PLGRKT: variants seen among roughly 807,000 people sequenced by gnomAD.
The protein encoded by PLGRKT is plasminogen receptor (KT).
PLGRKT carries 22 observed loss-of-function variants against 18.5 expected under a neutral mutation model. That is an observed-to-expected ratio of 1.19 (90% CI 0.85 to 1.70). The LOEUF is 1.70. Ranked by LOEUF, PLGRKT falls within the 40% of genes most tolerant of loss-of-function variation. PLGRKT has a pLI of 0.00. For missense variants in PLGRKT, 235 were observed against 174.4 expected (o/e 1.35, Z -1.96); for synonymous variants, 72 against 52.8 (o/e 1.36, Z -1.58).
rs1427900820 is a variant in PLGRKT, at chr9:5,418,882, G to A, written c.81+13015C>T. ...CTGCTGGAGGCAAACTGAACAGCAG[G>A]TGTGCTTGCAATCCAGCAACTTGGC... On this transcript the variant is annotated intron_variant, in intron 3 of 5. Coordinates refer to ENST00000223864, the MANE Select transcript of PLGRKT (RefSeq NM_018465.4). This position sits in a 1 kb window ranked among gnomAD's most constrained non-coding sequence, Gnocchi z 4.2. The A allele has an allele frequency of 3.0e-6, 3 of 1,005,484 alleles. No individual in the cohort carries two copies. Among genetic ancestry groups the A allele is most frequent in the Non-Finnish European group, 4.7e-6 (3 of 641,272 alleles). 62.3% of individuals were successfully genotyped at this position (1,005,484 alleles called of 1,614,324 possible).
At chr9:5,407,629 T>C (rs1316168088) in intron 3 of PLGRKT, among the ~76,000 whole-genome samples, 2 of 151,848 alleles carry the variant, frequency 1.3e-5, no homozygotes, top group African/African-American at 2.4e-5. Context: ...GACAGCATTC[T>C]AATGTTGTTC....
chr9:5,406,567 T>C (rs183774134), intron 3 of PLGRKT, among the ~76,000 whole-genome samples: 19 of 119,026 alleles, frequency 1.6e-4, no homozygotes, highest in East Asian at 7.7e-4. Flanking sequence ...TGAGAACACA[T>C]GGAGACAGGG....
intron 3 of PLGRKT, among the ~76,000 whole-genome samples, chr9:5,374,109 C>T (rs1162777389): frequency 1.3e-5 from 2 of 152,214 alleles, no homozygotes; most frequent in Admixed American, 6.5e-5. Context: ...TACCTTAGAA[C>T]TGTTCTTGGC....
chr9:5,368,642 C>A (rs929250766), intron 3 of PLGRKT, among the ~76,000 whole-genome samples: 16 of 152,122 alleles, frequency 1.1e-4, no homozygotes, highest in Non-Finnish European at 2.1e-4. Context: ...CTATGCTCAC[C>A]ATTTGGGTGA....
intron 3 of PLGRKT, among the ~76,000 whole-genome samples, chr9:5,426,201 G>A (rs2131169136): frequency 6.6e-6 from 1 of 152,256 alleles, no homozygotes; most frequent in Admixed American, 6.5e-5. Context: ...ACATAGGGAG[G>A]AGAACCCCCA....
chr9:5,395,894 T>A (rs1563778166), intron 3 of PLGRKT, among the ~76,000 whole-genome samples: 1 of 147,394 alleles, frequency 6.8e-6, no homozygotes, highest in Non-Finnish European at 1.5e-5. Context: ...AACAGTTTTT[T>A]TTTTTTTTTT....
intron 3 of PLGRKT, among the ~76,000 whole-genome samples, chr9:5,430,189 G>A (rs1050963337): frequency 3.3e-5 from 5 of 152,196 alleles, no homozygotes; most frequent in African/African-American, 9.7e-5. Flanking sequence ...TGATGTAGTT[G>A]TCTCCAGTCT....
chr9:5,376,047 A>G (rs1817620708), intron 3 of PLGRKT, among the ~76,000 whole-genome samples: 1 of 152,254 alleles, frequency 6.6e-6, no homozygotes, highest in Non-Finnish European at 1.5e-5. Flanking sequence ...TGACACATAC[A>G]ACCACATGGA....
intron 3 of PLGRKT, among the ~76,000 whole-genome samples, chr9:5,394,045 T>C (rs1370453934): frequency 2.0e-5 from 3 of 151,906 alleles, no homozygotes; most frequent in Non-Finnish European, 4.4e-5. Flanking sequence ...GCATTCTATC[T>C]AGTGTTGCTA....
intron 3 of PLGRKT, among the ~76,000 whole-genome samples, chr9:5,376,455 C>A (rs972571897): frequency 1.2e-4 from 18 of 152,238 alleles, no homozygotes; most frequent in African/African-American, 4.1e-4. Context: ...TACTAACTAC[C>A]TCTGAGGTTG....
intron 2 of PLGRKT, among the ~76,000 whole-genome samples, chr9:5,436,058 A>C (rs1231382228): frequency 6.6e-6 from 1 of 152,150 alleles, no homozygotes; most frequent in Non-Finnish European, 1.5e-5. Context: ...AGGTGGTGAG[A>C]TTTCCCTCCC....
chr9:5,408,548 G>C (rs151282647), intron 3 of PLGRKT, among the ~76,000 whole-genome samples: 214 of 152,318 alleles, frequency 1.4e-3, no homozygotes, highest in Non-Finnish European at 2.6e-3. Flanking sequence ...CCTAAAACTG[G>C]AACTTATATT....
In PLGRKT at chr9:5,361,887, A is replaced by T; in HGVS notation, c.83T>A (p.Leu28Gln). 1 of 1,611,802 alleles carries T rather than the reference A, an allele frequency of 6.2e-7. No individual in the cohort carries two copies. Among genetic ancestry groups the T allele is most frequent in the South Asian group, 1.1e-5 (1 of 90,480 alleles). Reference protein sequence around the residue: ...EFMLMNARLQLERQLIMQSEM... With the variant: ...EFMLMNARLQQERQLIMQSEM... ...ACTCTGCATGATGAGCTGCCTTTCC[A>T]GCTAAGGACAAAACAAAAGACAAAG... Residue 28 changes from leucine (L) to glutamine (Q), a missense_variant and splice_region_variant, in exon 4 of 6, where the codon CTG becomes CAG. Transcript: ENST00000223864.
At chr9:5,424,436 T>G (rs1818641689) in intron 3 of PLGRKT, among the ~76,000 whole-genome samples, 2 of 107,280 alleles carry the variant, frequency 1.9e-5, no homozygotes, top group Admixed American at 2.1e-4. Flanking sequence ...TAACATATTA[T>G]AAAATATATT....
At chr9:5,366,488 G>A (rs1345395912) in intron 3 of PLGRKT, among the ~76,000 whole-genome samples, 1 of 152,114 alleles carries the variant, frequency 6.6e-6, no homozygotes, top group East Asian at 1.9e-4. Context: ...CACACTCTGA[G>A]GATTTTACAG....
At chr9:5,395,685 A>G (rs1489793407) in intron 3 of PLGRKT, among the ~76,000 whole-genome samples, 1 of 151,854 alleles carries the variant, frequency 6.6e-6, no homozygotes, top group Non-Finnish European at 1.5e-5. Context: ...TCTGAGCTAT[A>G]GGACAGCATA....
At chr9:5,394,108 A>T (rs961074817) in intron 3 of PLGRKT, among the ~76,000 whole-genome samples, 2 of 151,876 alleles carry the variant, frequency 1.3e-5, no homozygotes, top group Non-Finnish European at 2.9e-5. Flanking sequence ...AGGAACTGTA[A>T]ACATGTTCAC....
chr9:5,409,056 C>T (rs569192826), intron 3 of PLGRKT, among the ~76,000 whole-genome samples: 1 of 152,182 alleles, frequency 6.6e-6, no homozygotes, highest in African/African-American at 2.4e-5. Flanking sequence ...CAGGCAGAAG[C>T]CTGCTGCAGG....
In PLGRKT at chr9:5,367,964, C is replaced by T. The variant is rs576444440; in HGVS notation, c.82-6076G>A. ...GACACTTCTCAAAAGAAGACATATG[C>T]TTGGCCAACAAGCATATGAAAAAAT... On this transcript the variant is annotated intron_variant, in intron 3 of 5. Coordinates refer to ENST00000223864, the MANE Select transcript of PLGRKT (RefSeq NM_018465.4). 1.1e-4 allele frequency among the ~76,000 whole-genome samples: 16 copies of T among 152,098 alleles called. 1 individual carries two copies. The South Asian group carries it at 3.3e-3, about 32-fold the overall frequency.
Sources: gnomAD v4.1 joint callset for allele counts (sites outside exome capture counted in the v4.1 genomes callset) on GRCh38, gnomAD v4.1.1 for gene constraint, Gnocchi (gnomAD v3.1) non-coding constraint, MANE v1.5 for transcripts, NCBI Gene and HGNC (gene_info 2026-07-23, HGNC 2026-07-21) for gene names.